SIGLEC9: variants seen among roughly 807,000 people sequenced by gnomAD.
SIGLEC9 encodes the protein sialic acid-binding Ig-like lectin 9.
In SIGLEC9, 26 loss-of-function variants were observed where a neutral mutation model predicts 38.3. The observed-to-expected ratio is 0.68, with a 90% CI of 0.50 to 0.94. SIGLEC9 has a LOEUF of 0.94. SIGLEC9 is among the 40% of genes least tolerant of loss of function. The pLI is 0.00. For synonymous variants in SIGLEC9, 236 were observed against 248.0 expected (o/e 0.95, Z 0.45); for missense variants, 556 against 585.7 (o/e 0.95, Z 0.52).
chr19:51,133,300 C>T (rs373615122), downstream of SIGLEC9, among the ~76,000 whole-genome samples: 47 of 151,826 alleles, frequency 3.1e-4, 5 homozygotes, highest in South Asian at 4.6e-3. Flanking sequence ...TGGTCGGGCG[C>T]GGTGGCTCAC....
chr19:51,130,324 T>C (rs1295199191), downstream of SIGLEC9: 1 of 599,696 alleles, frequency 1.7e-6, no homozygotes, highest in African/African-American at 1.9e-5. Flanking sequence ...CTCTGTACCT[T>C]GGTTTCCTGC....
At chr19:51,127,354 T>C in intron 4 of SIGLEC9, 58 bp downstream of exon 4, 1 of 1,509,750 alleles carries the variant, frequency 6.6e-7, no homozygotes, top group African/African-American at 1.4e-5. Flanking sequence ...TCCTCCACCC[T>C]TAGTAACTGC....
At chr19:51,131,544 C>A (rs983077113), downstream of SIGLEC9, among the ~76,000 whole-genome samples, 3 of 151,138 alleles carry the variant, frequency 2.0e-5, no homozygotes, top group African/African-American at 7.3e-5. Context: ...TGAGATCGTG[C>A]CACTGCACTC....
chr19:51,127,583 C>T (rs774279673), intron 4 of SIGLEC9, among the ~76,000 whole-genome samples: 1 of 151,794 alleles, frequency 6.6e-6, no homozygotes, highest in Non-Finnish European at 1.5e-5. Context: ...ACTGGAGTCA[C>T]ACAACTGAGA....
Position 51,124,932 on chromosome 19 carries a change from GAAC to G in SIGLEC9, c.-41_-39del. The G allele has an allele frequency of 6.4e-7, 1 of 1,569,108 alleles. No individual in the cohort carries two copies. Among genetic ancestry groups the G allele is most frequent in the South Asian group, 1.2e-5 (1 of 82,070 alleles). ...CAGTTCCTGAGAGAAGAACCCTGAGGAACAGACGTTCCCTCGCGGCCCTGGCAC... is the reference window on the plus strand; with the variant it reads ...CAGTTCCTGAGAGAAGAACCCTGAGGAGACGTTCCCTCGCGGCCCTGGCAC... On this transcript the variant is annotated 5_prime_UTR_variant, in exon 1 of 7. Coordinates refer to ENST00000250360, the MANE Select transcript of SIGLEC9 (RefSeq NM_014441.3).
chr19:51,121,333 G>A (rs571703765), upstream of SIGLEC9, among the ~76,000 whole-genome samples: 2 of 151,424 alleles, frequency 1.3e-5, no homozygotes, highest in East Asian at 4.0e-4. Context: ...CCCTTGCCTG[G>A]CTCAGCTTTG....
downstream of SIGLEC9, among the ~76,000 whole-genome samples, chr19:51,134,463 A>C (rs1433987193): frequency 6.6e-6 from 1 of 152,122 alleles, no homozygotes; most frequent in Non-Finnish European, 1.5e-5. Context: ...AGCCAGTCCT[A>C]GGAATAGTCT....
intron 4 of SIGLEC9, 98 bp downstream of exon 4, chr19:51,127,394 C>T: frequency 1.5e-6 from 2 of 1,330,868 alleles, no homozygotes; most frequent in South Asian, 2.9e-5. Context: ...AGGAGCTCCG[C>T]TCTGGTCTGT....
Position 51,125,859 on chromosome 19 carries a change from C to T in SIGLEC9, c.684C>T (p.Val228=). 6.2e-7 allele frequency: 1 copy of T among 1,614,150 alleles called. No individual in the cohort carries two copies. Among genetic ancestry groups the T allele is most frequent in the Non-Finnish European group, 8.5e-7 (1 of 1,180,018 alleles). The stretch of plus-strand genomic sequence containing the variant: ...CCAGCGTGACCACGAACAAGACCGT[C>T]CATCTCAACGTGTCCTGTGAGTGCT... ...PGASVTTNKT[V]HLNVSYPPQN... Residue 228 remains valine, a synonymous_variant, in exon 2 of 7, where the codon GTC becomes GTT. Transcript: ENST00000250360.
chr19:51,134,852 T>C (rs1042085427), downstream of SIGLEC9, among the ~76,000 whole-genome samples: 5 of 152,238 alleles, frequency 3.3e-5, no homozygotes, highest in Admixed American at 1.3e-4. Context: ...TCTAACTTTT[T>C]GATATGGGTA....
In SIGLEC9 at chr19:51,130,286, T is replaced by TAAAA; in HGVS notation, c.*209_*210insAAAA. The TAAAA allele has an allele frequency of 9.7e-7, 1 of 1,028,146 alleles. No homozygotes were observed. The highest frequency in any genetic ancestry group is 1.3e-6 in the Non-Finnish European group (1 of 784,524). 63.7% of individuals were successfully genotyped at this position (1,028,146 alleles called of 1,614,324 possible). On this transcript the variant is annotated 3_prime_UTR_variant, in exon 7 of 7. Transcript: ENST00000250360. ...CACTGTGCCCTCCCTTTTATTTTTTTAACTAAAAGACAGACAAATTCCTAC... is the reference window on the plus strand; with the variant it reads ...CACTGTGCCCTCCCTTTTATTTTTTTAAAAAACTAAAAGACAGACAAATTCCTAC...
intron 2 of SIGLEC9, 73 bp downstream of exon 2, chr19:51,125,948 C>G (rs776850041): frequency 6.3e-7 from 1 of 1,599,052 alleles, no homozygotes; most frequent in African/African-American, 1.3e-5. Flanking sequence ...TGCTGGGTCC[C>G]GGAATCTGGG....
chr19:51,134,147 C>CTTTTTTTTT (rs71185802), downstream of SIGLEC9, among the ~76,000 whole-genome samples: 75 of 66,520 alleles, frequency 1.1e-3, 5 homozygotes, highest in East Asian at 3.9e-3. Flanking sequence ...TCTTTCTTTT[C>CTTTTTTTTT]TTTTTTTTTT....
chr19:51,130,732 G>A (rs2092010607), downstream of SIGLEC9, among the ~76,000 whole-genome samples: 1 of 152,160 alleles, frequency 6.6e-6, no homozygotes, highest in African/African-American at 2.4e-5. Context: ...ACTGCTCACA[G>A]CCCATCCATG....
Position 51,128,520 on chromosome 19 carries a change from G to A in SIGLEC9, c.1203+10G>A. ...GGGTTCAGCCTCTCAGGTGAGTGAT[G>A]TGGACTCTCCACAGCCAGCATGTAG... On this transcript the variant is annotated intron_variant, in intron 6 of 6. Coordinates refer to ENST00000250360, the MANE Select transcript of SIGLEC9 (RefSeq NM_014441.3). 6.2e-7 allele frequency: 1 copy of A among 1,611,900 alleles called. No individual in the cohort carries two copies. The highest frequency in any genetic ancestry group is 8.5e-7 in the Non-Finnish European group (1 of 1,178,066).
In SIGLEC9 at chr19:51,130,238, A is replaced by G; in HGVS notation, c.*159A>G. 1 of 1,316,960 alleles carries G rather than the reference A, an allele frequency of 7.6e-7. No homozygotes were observed. The highest frequency in any genetic ancestry group is 9.7e-7 in the Non-Finnish European group (1 of 1,028,068). The allele number at this position is 1,316,960 out of a possible 1,614,324, so 81.6% of individuals were successfully genotyped here. On this transcript the variant is annotated 3_prime_UTR_variant, in exon 7 of 7. Coordinates refer to ENST00000250360, the MANE Select transcript of SIGLEC9 (RefSeq NM_014441.3). The stretch of plus-strand genomic sequence containing the variant: ...TGAAAAGCACACAGGCTTTAGAGTC[A>G]AAGTATCTCAAACCTGAATCCACAC...
At position 51,127,289 on chromosome 19, in the gene SIGLEC9, C is replaced by T. The variant is rs1385475492; in HGVS notation, c.1008C>T (p.Ser336=). The part of the protein sequence containing the change: ...LGSQQVYLNV[S]LQSKATSGVT... ...CTCAGCAGGTCTACCTGAACGTCTC[C>T]CTGCAGAGTGAGTGCACCAGTATGC... Residue 336 remains serine (S), a synonymous_variant, in exon 4 of 7, where the codon TCC becomes TCT. Transcript: ENST00000250360. 1 of 1,609,640 alleles carries T rather than the reference C, an allele frequency of 6.2e-7. No individual in the cohort carries two copies. The highest frequency in any genetic ancestry group is 1.3e-5 in the African/African-American group (1 of 74,828).
chr19:51,131,154 A>G (rs2092012948), downstream of SIGLEC9, among the ~76,000 whole-genome samples: 1 of 152,236 alleles, frequency 6.6e-6, no homozygotes, highest in African/African-American at 2.4e-5. Flanking sequence ...GGAAAGGGAC[A>G]TCTCACAACA....
chr19:51,127,324 G>T (rs763245664), intron 4 of SIGLEC9, 28 bp downstream of exon 4: 4 of 1,581,344 alleles, frequency 2.5e-6, no homozygotes, highest in Non-Finnish European at 3.4e-6. Flanking sequence ...CTGGGGAGGG[G>T]CTGGAGAGGA....
Sources: allele counts gnomAD v4.1 joint callset (sites outside exome capture counted in the v4.1 genomes callset), GRCh38; gene constraint gnomAD v4.1.1; transcripts MANE v1.5; gene names NCBI Gene and HGNC (gene_info 2026-07-23, HGNC 2026-07-21).